EDA2R: variants seen among roughly 807,000 people sequenced by gnomAD.
EDA2R encodes ectodysplasin A2 receptor.
In EDA2R, 26 loss-of-function variants were observed where a neutral mutation model predicts 20.1. The observed-to-expected ratio is 1.30, with a 90% confidence interval of 0.95 to 1.80. The LOEUF is 1.80. Ranked by LOEUF, EDA2R falls within the 40% of genes most tolerant of loss-of-function variation. The pLI is 0.00. For missense variants in EDA2R, 277 were observed against 228.7 expected (o/e 1.21, Z -1.36); for synonymous variants, 114 against 88.7 (o/e 1.29, Z -1.60).
At chrX:66,616,112 TC>T (rs1358664164) in intron 1 of EDA2R, 82 bp from the exon 2 acceptor site, 1 of 613,859 alleles carries the variant, frequency 1.6e-6, no homozygotes, top group Non-Finnish European at 2.7e-6. Flanking sequence ...GGCTTCTGGG[TC>T]CCCTTAATCT....
intron 1 of EDA2R, among the ~76,000 whole-genome samples, chrX:66,637,161 A>G (rs1012887346): frequency 5.3e-5 from 6 of 112,180 alleles, no homozygotes; most frequent in Non-Finnish European, 1.1e-4. Context: ...CAACCTTGTA[A>G]GGTCTAAGCC....
intron 2 of EDA2R, among the ~76,000 whole-genome samples, chrX:66,613,075 G>C (rs762796335): frequency 9.0e-6 from 1 of 110,573 alleles, no homozygotes; most frequent in Non-Finnish European, 1.9e-5. Flanking sequence ...AACATAAAAG[G>C]GTATTTACCT....
Position 66,602,764 on chromosome X carries a change from G to A in EDA2R, c.386C>T (p.Thr129Ile). The A allele has an allele frequency of 8.4e-7, 1 of 1,194,739 alleles. No individual in the cohort carries two copies. Among genetic ancestry groups the A allele is most frequent in the Non-Finnish European group, 1.1e-6 (1 of 887,077 alleles). ...AFQLSLVEAD[T>I]PTVPPQEATL... ...GGCCTCCTGAGGGGGCACTGTGGGT[G>A]TATCTGCCTCCACTAAGCTCAACTG... Residue 129 changes from threonine to isoleucine, a missense_variant, in exon 5 of 7, where the codon ACA (threonine) becomes ATA (isoleucine). Thr to Ile is a moderately conservative substitution (Grantham distance 89). Coordinates refer to ENST00000374719, the MANE Select transcript of EDA2R (RefSeq NM_021783.5).
At chrX:66,635,722 A>G (rs1291609365) in intron 1 of EDA2R, among the ~76,000 whole-genome samples, 1 of 111,983 alleles carries the variant, frequency 8.9e-6, no homozygotes, top group African/African-American at 3.3e-5. Flanking sequence ...TGTGTCTTGC[A>G]GTTCTGGCAC....
intron 1 of EDA2R, 27 bp from the exon 2 acceptor site, chrX:66,616,057 C>G (rs1931634423): frequency 9.3e-7 from 1 of 1,072,559 alleles, no homozygotes; most frequent in African/African-American, 1.8e-5. Flanking sequence ...CAAGAACTAG[C>G]AAGCTAGTGG....
At chrX:66,607,962 G>A (rs1216865683) in intron 2 of EDA2R, among the ~76,000 whole-genome samples, 2 of 111,844 alleles carry the variant, frequency 1.8e-5, no homozygotes, top group Non-Finnish European at 3.8e-5. Context: ...GACACACATG[G>A]ACAAAGAACT....
At position 66,624,343 on chromosome X, in the gene EDA2R, A is replaced by G. The variant is rs1254596593; in HGVS notation, c.-10-8313T>C. 1.5e-4 allele frequency among the ~76,000 whole-genome samples: 17 copies of G among 110,972 alleles called. No homozygotes were observed. The Admixed American group carries it at 1.6e-3, about 11-fold the overall frequency. ...AGACCAGCCTAGCCAACAAGATGAA[A>G]CCTCAATTCTACTAAAAATACAAAA... On this transcript the variant is annotated intron_variant, in intron 1 of 6. Coordinates refer to ENST00000374719, the MANE Select transcript of EDA2R (RefSeq NM_021783.5).
At position 66,605,234 on chromosome X, in the gene EDA2R, CAG is replaced by C. The variant is rs770112533; in HGVS notation, c.88-10_88-9del. 1 of 1,194,637 alleles carries C rather than the reference CAG, an allele frequency of 8.4e-7. No homozygotes were observed. The highest frequency in any genetic ancestry group is 1.8e-5 in the African/African-American group (1 of 57,007). On this transcript the variant is annotated splice_polypyrimidine_tract_variant and intron_variant, in intron 2 of 6. Transcript: ENST00000374719. Reference sequence around the variant, plus strand: ...CTCTCCATAACCACAATCCTGTAGACAGATGGGGGTTGTTAATATTGCTTTAT... The same window carrying C: ...CTCTCCATAACCACAATCCTGTAGACATGGGGGTTGTTAATATTGCTTTAT...
At chrX:66,636,453 T>C (rs1934332494) in intron 1 of EDA2R, among the ~76,000 whole-genome samples, 1 of 110,546 alleles carries the variant, frequency 9.0e-6, no homozygotes, top group South Asian at 3.9e-4. Flanking sequence ...TGAAAAACTG[T>C]CATGGAAGAA....
intron 1 of EDA2R, among the ~76,000 whole-genome samples, chrX:66,633,873 G>A (rs903881878): frequency 8.9e-6 from 1 of 111,998 alleles, no homozygotes; most frequent in Non-Finnish European, 1.9e-5. Context: ...ATTGGGACTG[G>A]ATAAAACTCA....
chrX:66,621,688 G>T lies in EDA2R; in HGVS notation c.-10-5658C>A, dbSNP rs7879824. On this transcript the variant is annotated intron_variant, in intron 1 of 6. Coordinates refer to ENST00000374719, the MANE Select transcript of EDA2R (RefSeq NM_021783.5). The stretch of plus-strand genomic sequence containing the variant: ...TTGTATGATTCTATTTACATGAAAT[G>T]TCCAGAATAGGCAATCAATCATAAA... Among the ~76,000 whole-genome samples, 937 of 112,202 alleles carry T rather than the reference G, an allele frequency of 8.4e-3. 12 individuals carry two copies. The highest frequency in any genetic ancestry group is 0.029 in the African/African-American group (894 of 30,879).
intron 1 of EDA2R, among the ~76,000 whole-genome samples, chrX:66,624,421 A>T (rs764104026): frequency 9.8e-5 from 11 of 111,944 alleles, no homozygotes; most frequent in Non-Finnish European, 1.7e-4. Flanking sequence ...TGGGAGACTG[A>T]GGTACAAGAA....
At chrX:66,616,094 T>TGGAA in intron 1 of EDA2R, 64 bp from the exon 2 acceptor site, 8 of 784,774 alleles carry the variant, frequency 1.0e-5, no homozygotes, top group Non-Finnish European at 1.5e-5. Flanking sequence ...GTGGCTTCCA[T>TGGAA]GCCACTTGGC....
rs776042113 is a variant in EDA2R at position 66,596,762 on chromosome X, C to T, written c.*1342G>A. ...AGAAAAACAAAAACAAAAACAAAAACAAAAAAAAAACAGGAAACCTAAAGG... is the reference window on the plus strand; with the variant it reads ...AGAAAAACAAAAACAAAAACAAAAATAAAAAAAAAACAGGAAACCTAAAGG... On this transcript the variant is annotated 3_prime_UTR_variant, in exon 7 of 7. Coordinates refer to ENST00000374719, the MANE Select transcript of EDA2R (RefSeq NM_021783.5). 9.5e-6 allele frequency: 1 copy of T among 105,382 alleles called. No homozygotes were observed. Among genetic ancestry groups the T allele is most frequent in the Admixed American group, 1.0e-4 (1 of 9,937 alleles). 8.7% of individuals were successfully genotyped at this position (105,382 alleles called of 1,213,427 possible).
At chrX:66,629,117 A>C (rs755608654) in intron 1 of EDA2R, among the ~76,000 whole-genome samples, 24 of 112,110 alleles carry the variant, frequency 2.1e-4, no homozygotes, top group Non-Finnish European at 3.8e-4. Flanking sequence ...AGATGAAGAA[A>C]AAGCATTCAA....
At chrX:66,611,591 T>G (rs1012856705) in intron 2 of EDA2R, among the ~76,000 whole-genome samples, 12 of 111,036 alleles carry the variant, frequency 1.1e-4, no homozygotes, top group African/African-American at 3.9e-4. Flanking sequence ...AGACAGATGA[T>G]AGAATCAGTG....
At chrX:66,628,705 CA>C (rs58181241) in intron 1 of EDA2R, among the ~76,000 whole-genome samples, 6,799 of 80,539 alleles carry the variant, frequency 0.084, 575 homozygotes, top group African/African-American at 0.26. Context: ...AAAACATTAC[CA>C]AAAAAAAAAA....
At position 66,596,060 on chromosome X, in the gene EDA2R, C is replaced by T. The variant is rs1214004837; in HGVS notation, c.*2044G>A. The T allele has an allele frequency of 2.7e-5, 3 of 109,715 alleles. No homozygotes were observed. Among genetic ancestry groups the T allele is most frequent in the Admixed American group, 9.7e-5 (1 of 10,321 alleles). The allele number at this position is 109,715 out of a possible 1,213,427, so 9.0% of individuals were successfully genotyped here. A position where few individuals can be genotyped will look rare whatever the true frequency, so the allele number is the denominator to read the frequency against. On this transcript the variant is annotated 3_prime_UTR_variant, in exon 7 of 7. Coordinates refer to ENST00000374719, the MANE Select transcript of EDA2R (RefSeq NM_021783.5). Reference sequence around the variant, plus strand: ...AAAAAAATTCATTCTCAGGAAATACCTCCCCTTCCTTACAAACAAAAACTA... The same window carrying T: ...AAAAAAATTCATTCTCAGGAAATACTTCCCCTTCCTTACAAACAAAAACTA...
At chrX:66,601,970 T>A (rs959944630) in intron 5 of EDA2R, among the ~76,000 whole-genome samples, 2 of 111,952 alleles carry the variant, frequency 1.8e-5, no homozygotes, top group East Asian at 5.6e-4. Context: ...TGCATGGCTG[T>A]CTGATATGGA....
Sources: allele counts gnomAD v4.1 joint callset (sites outside exome capture counted in the v4.1 genomes callset), GRCh38; gene constraint gnomAD v4.1.1; transcripts MANE v1.5; gene names NCBI Gene and HGNC (gene_info 2026-07-23, HGNC 2026-07-21).